Variants in ZNF559 observed in about 807,000 individuals in gnomAD.
The protein encoded by ZNF559 is putative protein product of Nbla00121.
ZNF559 carries 17 observed loss-of-function variants against 14.2 expected under a neutral mutation model. That is an observed-to-expected ratio of 1.20 (90% CI 0.82 to 1.80). ZNF559 has a LOEUF of 1.80. ZNF559 is among the 40% of genes most tolerant of loss of function. ZNF559 has a pLI of 0.00. For missense variants in ZNF559, 740 were observed against 629.7 expected, an observed-to-expected ratio of 1.18 and a Z score of -1.88; for synonymous variants, 244 against 212.4, an observed-to-expected ratio of 1.15 and a Z score of -1.29.
At position 9,343,514 on chromosome 19, in the gene ZNF559, A is replaced by G; in HGVS notation, c.*446A>G. 1 of 1,001,684 alleles carries G rather than the reference A, an allele frequency of 1.0e-6. No homozygotes were observed. The highest frequency in any genetic ancestry group is 1.2e-6 in the Non-Finnish European group (1 of 838,120). The allele number at this position is 1,001,684 out of a possible 1,614,324, so 62.0% of individuals were successfully genotyped here. ...AACCTTTCACTCTGCCTTATACCTTAATATTCAGCTGTGATCTCACAAGTG... is the reference window on the plus strand; with the variant it reads ...AACCTTTCACTCTGCCTTATACCTTGATATTCAGCTGTGATCTCACAAGTG... On this transcript the variant is annotated 3_prime_UTR_variant, in exon 7 of 7. Transcript: ENST00000603380.
At chr19:9,340,683 C>A (rs529203366) in intron 5 of ZNF559, among the ~76,000 whole-genome samples, 1 of 151,216 alleles carries the variant, frequency 6.6e-6, no homozygotes, top group South Asian at 2.1e-4. Context: ...TCCCCTGCCT[C>A]AGCCTCCTGA....
chr19:9,331,044 T>TTC (rs999125495), intron 2 of ZNF559, among the ~76,000 whole-genome samples: 3 of 152,098 alleles, frequency 2.0e-5, no homozygotes, highest in Admixed American at 1.3e-4. Context: ...ACACCTTCTC[T>TTC]TCTCTCTCTC....
intron 1 of ZNF559, 147 bp from the exon 2 acceptor site, chr19:9,324,548 C>T: frequency 8.2e-7 from 1 of 1,220,912 alleles, no homozygotes; most frequent in Non-Finnish European, 1.1e-6. Context: ...ATTCCCAGCG[C>T]TTTGGGCGGA....
intron 1 of ZNF559, 160 bp downstream of exon 1, chr19:9,324,388 C>T: frequency 1.3e-6 from 2 of 1,482,996 alleles, no homozygotes; most frequent in South Asian, 1.3e-5. Flanking sequence ...GGCCCCTCCT[C>T]TGAGAGCCAC....
intron 1 of ZNF559, 135 bp downstream of exon 1, chr19:9,324,363 G>T: frequency 6.6e-7 from 1 of 1,504,260 alleles, no homozygotes; most frequent in South Asian, 1.3e-5. Flanking sequence ...CATCTTGTGG[G>T]CTCTCCCAAG....
In ZNF559 at chr19:9,344,508, C is replaced by T. The variant is rs2067688939; in HGVS notation, c.*1440C>T. 1 of 152,012 alleles carries T rather than the reference C, an allele frequency of 6.6e-6. No individual in the cohort carries two copies. Among genetic ancestry groups the T allele is most frequent in the Admixed American group, 6.6e-5 (1 of 15,266 alleles). 9.4% of individuals were successfully genotyped at this position (152,012 alleles called of 1,614,324 possible). ...GAATAAATAAGATTAACTGGGTGTA[C>T]TGGTTTGTGCCTATAGTCCCAGCTA... On this transcript the variant is annotated 3_prime_UTR_variant, in exon 7 of 7. Transcript: ENST00000603380.
At chr19:9,337,287 C>T (rs1424658510) in intron 2 of ZNF559, among the ~76,000 whole-genome samples, 6 of 152,202 alleles carry the variant, frequency 3.9e-5, no homozygotes. Flanking sequence ...TGTTAGCATA[C>T]ACAATCTGGT....
At chr19:9,324,177 G>T (rs1384272569), upstream of ZNF559, 2 of 1,535,948 alleles carry the variant, frequency 1.3e-6, no homozygotes, top group South Asian at 1.2e-5. Flanking sequence ...CTGCGTGGGC[G>T]CATGCGCATA....
chr19:9,342,901 A>AC lies in ZNF559; in HGVS notation c.1450_1451insC (p.Met484ThrfsTer7), dbSNP rs1568369898. 1 of 1,614,156 alleles carries AC rather than the reference A, an allele frequency of 6.2e-7. No individual in the cohort carries two copies. Among genetic ancestry groups the AC allele is most frequent in the South Asian group, 1.1e-5 (1 of 91,082 alleles). ...TATCTCATCAGGCCTTACAGTACAC[A>AC]TGAGAACTCACACTGGTGAACGGCC... On this transcript the variant is annotated frameshift_variant, in exon 7 of 7. Coordinates refer to ENST00000603380, the MANE Select transcript of ZNF559 (RefSeq NM_032497.3). LOFTEE classifies it low-confidence loss of function (END_TRUNC).
rs372846628 is a variant in ZNF559 at position 9,342,166 on chromosome 19, A to G, written c.715A>G (p.Lys239Glu). 5.7e-5 allele frequency: 91 copies of G among 1,609,878 alleles called. No homozygotes were observed. The highest frequency in any genetic ancestry group is 7.4e-5 in the Non-Finnish European group (87 of 1,178,848). The change falls in exon 7 of 7, where the codon AAA (lysine) becomes GAA (glutamate). Residue 239 changes from lysine to glutamate, a missense_variant. By Grantham distance (56) the Lys-to-Glu change is moderately conservative. Coordinates refer to ENST00000603380, the MANE Select transcript of ZNF559 (RefSeq NM_032497.3). ...ACACATGCAAACTCAAGATGGAGAA[A>G]AATTCTATGAATGTAAAGCATGTGG... The part of the protein sequence containing the change: ...FVHMQTQDGE[K>E]FYECKACGKP...
intron 1 of ZNF559, 141 bp from the exon 2 acceptor site, chr19:9,324,554 G>A (rs1366545201): frequency 1.7e-6 from 2 of 1,205,666 alleles, no homozygotes; most frequent in Non-Finnish European, 2.3e-6. Flanking sequence ...AGCGCTTTGG[G>A]CGGATTGGGT....
intron 2 of ZNF559, among the ~76,000 whole-genome samples, chr19:9,335,608 C>T (rs745521043): frequency 1.3e-5 from 2 of 152,174 alleles, no homozygotes; most frequent in Non-Finnish European, 2.9e-5. Context: ...CATGCAGTGG[C>T]GTGATCTCAG....
In ZNF559 at chr19:9,345,160, G is replaced by A. The variant is rs1398230647; in HGVS notation, c.*2092G>A. ...TTTTTCAGATCCATTTATGTTGTAG[G>A]GTCCATTTCACTGCTGAATAGTATT... On this transcript the variant is annotated 3_prime_UTR_variant, in exon 7 of 7. Transcript: ENST00000603380. 1 of 152,092 alleles carries A rather than the reference G, an allele frequency of 6.6e-6. No homozygotes were observed. The highest frequency in any genetic ancestry group is 2.4e-5 in the African/African-American group (1 of 41,404). 9.4% of individuals were successfully genotyped at this position (152,092 alleles called of 1,614,324 possible). A position where few individuals can be genotyped will look rare whatever the true frequency, so the allele number is the denominator to read the frequency against.
At chr19:9,324,512 GC>G in intron 1 of ZNF559, 182 bp from the exon 2 acceptor site, 5 of 1,314,452 alleles carry the variant, frequency 3.8e-6, no homozygotes, top group Non-Finnish European at 5.1e-6. Flanking sequence ...GCCTCATAGG[GC>G]CCGGCGCGGC....
In ZNF559 at chr19:9,343,239, G is replaced by T; in HGVS notation, c.*171G>T. ...AGAAGAGAAGACATATGAATGTAAG[G>T]AATGTGGGAAAATCTTGGCTCCTTC... On this transcript the variant is annotated 3_prime_UTR_variant, in exon 7 of 7. Coordinates refer to ENST00000603380, the MANE Select transcript of ZNF559 (RefSeq NM_032497.3). The T allele has an allele frequency of 2.8e-6, 4 of 1,425,414 alleles. No individual in the cohort carries two copies. Among genetic ancestry groups the T allele is most frequent in the Non-Finnish European group, 3.7e-6 (4 of 1,093,842 alleles). 88.3% of individuals were successfully genotyped at this position (1,425,414 alleles called of 1,614,324 possible). A position where few individuals can be genotyped will look rare whatever the true frequency, so the allele number is the denominator to read the frequency against.
intron 2 of ZNF559, among the ~76,000 whole-genome samples, chr19:9,335,648 A>G (rs1437016519): frequency 6.6e-6 from 1 of 152,092 alleles, no homozygotes; most frequent in Non-Finnish European, 1.5e-5. Flanking sequence ...CCCAGGCTCA[A>G]GCCACCTTCC....
chr19:9,326,067 A>G (rs1382054274), intron 2 of ZNF559, among the ~76,000 whole-genome samples: 1 of 139,450 alleles, frequency 7.2e-6, no homozygotes, highest in Non-Finnish European at 1.6e-5. Context: ...ATGTTTTTAG[A>G]TCTGTTAAAT....
intron 5 of ZNF559, among the ~76,000 whole-genome samples, chr19:9,339,829 C>G (rs1244241626): frequency 6.8e-6 from 1 of 147,146 alleles, no homozygotes; most frequent in Non-Finnish European, 1.5e-5. Context: ...AGTGCAGTGG[C>G]GTGATCTTGG....
In ZNF559 at chr19:9,342,208, T is replaced by C; in HGVS notation, c.757T>C (p.Ser253Pro). 1 of 1,595,890 alleles carries C rather than the reference T, an allele frequency of 6.3e-7. No individual in the cohort carries two copies. The highest frequency in any genetic ancestry group is 8.5e-7 in the Non-Finnish European group (1 of 1,174,198). Residue 253 changes from serine (S) to proline (P), a missense_variant, in exon 7 of 7, where the codon TCG becomes CCG. By Grantham distance (74) the Ser-to-Pro change is moderately conservative. Transcript: ENST00000603380. ...CKACGKPFTE[S>P]SYLTQHLRTH... ...AGCATGTGGGAAACCCTTCACTGAG[T>C]CGTCATATCTTACTCAACATTTAAG... is the stretch of plus-strand genomic sequence containing the variant.
Sources: gnomAD v4.1 joint callset for allele counts (sites outside exome capture counted in the v4.1 genomes callset) on GRCh38, gnomAD v4.1.1 for gene constraint, MANE v1.5 for transcripts, NCBI Gene and HGNC (gene_info 2026-07-23, HGNC 2026-07-21) for gene names.